The following MYO1D variants were observed in gnomAD, a reference collection of about 807,000 sequenced individuals.
The protein encoded by MYO1D is myosin ID.
In MYO1D, 83 loss-of-function variants were observed where a neutral mutation model predicts 122.0. The observed-to-expected ratio is 0.68, with a 90% confidence interval of 0.57 to 0.82. The LOEUF is 0.82. Ranked by LOEUF, MYO1D falls within the 40% of genes least tolerant of loss-of-function variation. The pLI is 0.00. For missense variants in MYO1D, 1,157 were observed against 1,269.5 expected (o/e 0.91, Z 1.35); for synonymous variants, 464 against 446.9 (o/e 1.04, Z -0.48).
intron 1 of MYO1D, among the ~76,000 whole-genome samples, chr17:32,836,000 A>G (rs966283131): frequency 1.3e-5 from 2 of 152,178 alleles, no homozygotes; most frequent in African/African-American, 4.8e-5. Flanking sequence ...ATGCTCATTC[A>G]TATTTTTGTA....
rs2088707830 is a variant in MYO1D, at chr17:32,670,849, C to T, written c.2122-11511G>A. ...CTCTCTACTGAGAGCTGTTTTGTTG[C>T]TCAATAAAATGTTCTGCCTTTACCA... On this transcript the variant is annotated intron_variant, in intron 16 of 21. Transcript: ENST00000318217. Among the ~76,000 whole-genome samples, 4 of 152,206 alleles carry T rather than the reference C, an allele frequency of 2.6e-5. No homozygotes were observed. The South Asian group carries it at 8.3e-4, about 32-fold the overall frequency.
intron 21 of MYO1D, among the ~76,000 whole-genome samples, chr17:32,590,558 C>T (rs180712146): frequency 2.6e-5 from 4 of 152,072 alleles, no homozygotes; most frequent in East Asian, 1.9e-4. Flanking sequence ...TCCTACCACC[C>T]GCAGCCTGAC....
In MYO1D at chr17:32,864,007, C is replaced by CTTTTTTTTTTTTTTTTTTT. The variant is rs560953120; in HGVS notation, c.95+12752_95+12770dup. Among the ~76,000 whole-genome samples the CTTTTTTTTTTTTTTTTTTT allele has an allele frequency of 1.4e-4, 7 of 48,960 alleles. 1 individual carries two copies. The highest frequency in any genetic ancestry group is 2.4e-4 in the Admixed American group (1 of 4,124). The allele number at this position is 48,960 out of a possible 152,430, so 32.1% of individuals were successfully genotyped here. On this transcript the variant is annotated intron_variant, in intron 1 of 21. Transcript: ENST00000318217. ...TAATTTTGGTTACAAACATTTCTTC[C>CTTTTTTTTTTTTTTTTTTT]TTTTTTTTTTTTTTTTTTTTTTTTT... is the stretch of plus-strand genomic sequence containing the variant.
chr17:32,732,778 T>C lies in MYO1D; in HGVS notation c.1746+5475A>G, dbSNP rs1197114587. On this transcript the variant is annotated intron_variant, in intron 14 of 21. Coordinates refer to ENST00000318217, the MANE Select transcript of MYO1D (RefSeq NM_015194.3). ...ACAGGGCTGAAACATGCCCTTTGCT[T>C]GCCACGTTGTGGGTGACGAGGAGTG... 2.0e-5 allele frequency among the ~76,000 whole-genome samples: 3 copies of C among 152,180 alleles called. No individual in the cohort carries two copies. The East Asian group carries it at 5.8e-4, about 29-fold the overall frequency.
chr17:32,786,980 T>A, intron 1 of MYO1D, among the ~76,000 whole-genome samples: 1 of 150,164 alleles, frequency 6.7e-6, no homozygotes, highest in African/African-American at 2.5e-5. Flanking sequence ...AGTAGAAAAA[T>A]TATGAAAGAA....
intron 1 of MYO1D, among the ~76,000 whole-genome samples, chr17:32,872,489 T>C (rs2091189629): frequency 6.6e-6 from 1 of 152,054 alleles, no homozygotes; most frequent in African/African-American, 2.4e-5. Context: ...TTAGCCAGGA[T>C]GGTCTCGATC....
intron 20 of MYO1D, among the ~76,000 whole-genome samples, chr17:32,636,607 T>C (rs557121024): frequency 6.6e-6 from 1 of 151,590 alleles, no homozygotes; most frequent in South Asian, 2.1e-4. Flanking sequence ...GTATACAGAG[T>C]TGATTTGGGA....
chr17:32,552,401 A>AATCCATCCATCCATCCACCCATCCATCC (rs2087023771), intron 21 of MYO1D, among the ~76,000 whole-genome samples: 1 of 128,252 alleles, frequency 7.8e-6, no homozygotes, highest in African/African-American at 3.1e-5. Context: ...TAACCTTTGT[A>AATCCATCCATCCATCCACCCATCCATCC]ATCCATCCAT....
chr17:32,794,427 A>G (rs1286639210), intron 1 of MYO1D: 1 of 152,090 alleles, frequency 6.6e-6, no homozygotes. Flanking sequence ...TGCTTTTTCA[A>G]AACACAATTC....
At chr17:32,759,014 C>T (rs571950160) in intron 10 of MYO1D, among the ~76,000 whole-genome samples, 10 of 152,218 alleles carry the variant, frequency 6.6e-5, no homozygotes, top group Middle Eastern at 3.4e-3. Context: ...CTTGGAATCA[C>T]ATTTGAATAA....
intron 1 of MYO1D, among the ~76,000 whole-genome samples, chr17:32,817,555 A>G (rs2090622605): frequency 6.6e-6 from 1 of 152,310 alleles, no homozygotes; most frequent in Admixed American, 6.5e-5. Flanking sequence ...CTTCCCAGCT[A>G]TAAAAGCCTA....
At chr17:32,584,511 T>C (rs1319916407) in intron 21 of MYO1D, among the ~76,000 whole-genome samples, 2 of 152,078 alleles carry the variant, frequency 1.3e-5, no homozygotes, top group East Asian at 3.9e-4. Flanking sequence ...CTTTTTTTTT[T>C]TTTTCGAGCC....
intron 16 of MYO1D, among the ~76,000 whole-genome samples, chr17:32,676,351 A>AT (rs376940405): frequency 0.13 from 17,303 of 132,354 alleles, 2,356 homozygotes; most frequent in African/African-American, 0.36. Flanking sequence ...TTGTTTCTCT[A>AT]TTTTTTTTTT....
chr17:32,593,138 G>A (rs556472066), intron 21 of MYO1D, among the ~76,000 whole-genome samples: 2 of 152,290 alleles, frequency 1.3e-5, no homozygotes, highest in South Asian at 4.2e-4. Context: ...TTGAGTCAGT[G>A]GGAACATTTC....
At chr17:32,813,388 T>A (rs1268148482) in intron 1 of MYO1D, among the ~76,000 whole-genome samples, 1 of 152,004 alleles carries the variant, frequency 6.6e-6, no homozygotes, top group South Asian at 2.1e-4. Flanking sequence ...ACAGTACAAA[T>A]GAAAGGCAGT....
chr17:32,522,818 CTTTTT>C (rs35925304), intron 21 of MYO1D, among the ~76,000 whole-genome samples: 1 of 131,380 alleles, frequency 7.6e-6, no homozygotes, highest in Non-Finnish European at 1.6e-5. Flanking sequence ...TCCCCCATGT[CTTTTT>C]TTTTTTTTTT....
At chr17:32,772,717 G>GCTTTC in intron 5 of MYO1D, 72 bp downstream of exon 5, 1 of 1,289,220 alleles carries the variant, frequency 7.8e-7, no homozygotes, top group South Asian at 1.2e-5. Flanking sequence ...ACAGGGGAAA[G>GCTTTC]CCCAAGACAC....
chr17:32,720,046 TC>T (rs1430755392), intron 15 of MYO1D, among the ~76,000 whole-genome samples: 38 of 152,210 alleles, frequency 2.5e-4, no homozygotes, highest in African/African-American at 9.2e-4. Context: ...GACCAACTAA[TC>T]TAAAGTATTT....
chr17:32,609,582 G>A (rs769702842), intron 20 of MYO1D, among the ~76,000 whole-genome samples: 1 of 152,122 alleles, frequency 6.6e-6, no homozygotes, highest in Non-Finnish European at 1.5e-5. Flanking sequence ...CTGCAGGCCC[G>A]GGAACTAGAA....
Sources: allele counts gnomAD v4.1 joint callset (sites outside exome capture counted in the v4.1 genomes callset), GRCh38; gene constraint gnomAD v4.1.1; transcripts MANE v1.5; gene names NCBI Gene and HGNC (gene_info 2026-07-23, HGNC 2026-07-21).